DLG2: variants seen among roughly 807,000 people sequenced by gnomAD.
DLG2 encodes the protein disks large homolog 2.
A neutral mutation model predicts 132.5 loss-of-function variants in DLG2; 45 were observed. The ratio of observed to expected loss-of-function variants is 0.34; its 90% CI spans 0.27 to 0.44. DLG2 has a LOEUF of 0.44. Ranked by LOEUF, DLG2 falls within the 20% of genes least tolerant of loss-of-function variation. The pLI, the probability that DLG2 is intolerant of heterozygous loss-of-function variation, is 1.00. For missense variants in DLG2, 1,045 were observed against 1,196.9 expected, an observed-to-expected ratio of 0.87 and a Z score of 1.87; for synonymous variants, 424 against 419.6, an observed-to-expected ratio of 1.01 and a Z score of -0.13.
At chr11:85,345,070 T>C (rs1019436650) in intron 3 of DLG2, among the ~76,000 whole-genome samples, 1 of 152,082 alleles carries the variant, frequency 6.6e-6, no homozygotes, top group African/African-American at 2.4e-5. Flanking sequence ...ATATCTCCCA[T>C]TATGTCAAGA....
intron 6 of DLG2, among the ~76,000 whole-genome samples, chr11:84,902,202 T>C (rs917192987): frequency 1.3e-5 from 2 of 152,136 alleles, no homozygotes; most frequent in African/African-American, 4.8e-5. Flanking sequence ...GGCAACATAC[T>C]TGCTTACAGT....
At chr11:84,548,733 A>G (rs747091149) in intron 6 of DLG2, among the ~76,000 whole-genome samples, 26 of 152,162 alleles carry the variant, frequency 1.7e-4, no homozygotes, top group Non-Finnish European at 2.9e-4. Flanking sequence ...TAGTGCCACA[A>G]TAAACATACG....
chr11:83,769,970 A>G (rs1212642408), intron 18 of DLG2, among the ~76,000 whole-genome samples: 1 of 152,100 alleles, frequency 6.6e-6, no homozygotes, highest in Non-Finnish European at 1.5e-5. Context: ...TGGTGCTCCA[A>G]TCTGTGGTGC....
chr11:84,083,432 C>T (rs1489656002), intron 10 of DLG2, among the ~76,000 whole-genome samples: 2 of 152,178 alleles, frequency 1.3e-5, no homozygotes, highest in African/African-American at 4.8e-5. Flanking sequence ...AGAACTCTAC[C>T]AGTCACAGTC....
intron 6 of DLG2, among the ~76,000 whole-genome samples, chr11:84,901,911 A>T (rs528737408): frequency 9.7e-4 from 148 of 152,132 alleles, no homozygotes; most frequent in Non-Finnish European, 2.1e-4. Context: ...AAAAAAAGGA[A>T]GGCTGAGTTT....
intron 14 of DLG2, among the ~76,000 whole-genome samples, chr11:83,941,923 T>C (rs1411320412): frequency 4.6e-5 from 7 of 152,238 alleles, no homozygotes; most frequent in African/African-American, 1.7e-4. Context: ...TCAGTACACA[T>C]GGCACCGGCT....
chr11:84,612,137 T>C (rs939563596), intron 6 of DLG2, among the ~76,000 whole-genome samples: 7 of 152,112 alleles, frequency 4.6e-5, no homozygotes, highest in Admixed American at 6.6e-5. Context: ...TCACTACAGA[T>C]TGAGTTTTCT....
chr11:84,362,999 A>C (rs1309722304), intron 7 of DLG2, among the ~76,000 whole-genome samples: 1 of 151,698 alleles, frequency 6.6e-6, no homozygotes, highest in South Asian at 2.1e-4. Context: ...TAGCAGCATG[A>C]TTTATAGTCC....
intron 3 of DLG2, among the ~76,000 whole-genome samples, chr11:85,396,179 G>C (rs527486365): frequency 1.3e-5 from 2 of 152,300 alleles, no homozygotes; most frequent in South Asian, 2.1e-4. Flanking sequence ...CAGCTGAGGG[G>C]TCTGACTGTT....
intron 19 of DLG2, among the ~76,000 whole-genome samples, chr11:83,563,679 G>A (rs1259891423): frequency 6.6e-6 from 1 of 152,154 alleles, no homozygotes; most frequent in Non-Finnish European, 1.5e-5. Context: ...AATCCTACAA[G>A]GGAGTAGGGT....
chr11:84,453,249 A>G (rs1190363787), intron 7 of DLG2, among the ~76,000 whole-genome samples: 1 of 151,688 alleles, frequency 6.6e-6, no homozygotes, highest in Non-Finnish European at 1.5e-5. Context: ...AAGTAGAGAA[A>G]AAGCTTAAAG....
chr11:84,515,387 G>T (rs2099269800), intron 7 of DLG2, among the ~76,000 whole-genome samples: 1 of 150,788 alleles, frequency 6.6e-6, no homozygotes, highest in African/African-American at 2.4e-5. Context: ...AAAAGTGAAG[G>T]AATGGAAAAA....
intron 4 of DLG2, among the ~76,000 whole-genome samples, chr11:85,219,211 C>G (rs2082842470): frequency 6.6e-6 from 1 of 152,110 alleles, no homozygotes; most frequent in Non-Finnish European, 1.5e-5. Context: ...CATGTACCCC[C>G]TGTATCTAAA....
intron 8 of DLG2, among the ~76,000 whole-genome samples, chr11:84,208,033 A>G (rs192082651): frequency 1.3e-5 from 2 of 152,338 alleles, no homozygotes. Flanking sequence ...AGTTTTTTTA[A>G]AAAAGGATCT....
At chr11:84,482,503 C>A (rs1399451993) in intron 7 of DLG2, among the ~76,000 whole-genome samples, 1 of 152,184 alleles carries the variant, frequency 6.6e-6, no homozygotes, top group Non-Finnish European at 1.5e-5. Flanking sequence ...CTTGAGCAAG[C>A]TCCTTAACTT....
At chr11:84,191,638 T>G (rs945407938) in intron 8 of DLG2, among the ~76,000 whole-genome samples, 1 of 152,222 alleles carries the variant, frequency 6.6e-6, no homozygotes, top group African/African-American at 2.4e-5. Flanking sequence ...TCAAACCGTT[T>G]ATGACACTTT....
At chr11:85,177,263 T>TCA (rs1555392220) in intron 4 of DLG2, among the ~76,000 whole-genome samples, 1 of 137,060 alleles carries the variant, frequency 7.3e-6, no homozygotes, top group African/African-American at 3.0e-5. Flanking sequence ...GTATATGTAT[T>TCA]TATATATATA....
intron 6 of DLG2, among the ~76,000 whole-genome samples, chr11:84,596,662 G>C (rs946314587): frequency 1.3e-5 from 2 of 152,040 alleles, no homozygotes; most frequent in African/African-American, 4.8e-5. Flanking sequence ...GTCATTTGTG[G>C]GTGGTACTCT....
intron 6 of DLG2, among the ~76,000 whole-genome samples, chr11:84,683,151 G>A (rs1045088317): frequency 2.0e-5 from 3 of 152,214 alleles, no homozygotes; most frequent in African/African-American, 7.2e-5. Flanking sequence ...GGAAGATTTT[G>A]TGAGCACAGG....
Sources: gnomAD v4.1 joint callset for allele counts (sites outside exome capture counted in the v4.1 genomes callset) on GRCh38, gnomAD v4.1.1 for gene constraint, MANE v1.5 for transcripts, NCBI Gene and HGNC (gene_info 2026-07-23, HGNC 2026-07-21) for gene names.